KHDRBS3: variants seen among roughly 807,000 people sequenced by gnomAD.
KHDRBS3 encodes KH RNA binding domain containing, signal transduction associated 3, also known as KH domain-containing, RNA-binding, signal transduction-associated protein 3.
A neutral mutation model predicts 45.6 loss-of-function variants in KHDRBS3; 23 were observed. That is an observed-to-expected ratio of 0.50 (90% CI 0.36 to 0.72). The LOEUF (loss-of-function observed/expected upper bound fraction) is 0.72, where lower values mean the gene tolerates loss of function less well. Among genes scored for constraint, KHDRBS3 ranks in the 30% least tolerant of loss-of-function variants. The pLI is 0.00. For synonymous variants in KHDRBS3, 162 were observed against 156.5 expected, an observed-to-expected ratio of 1.04 and a Z score of -0.26; for missense variants, 352 against 424.8, an observed-to-expected ratio of 0.83 and a Z score of 1.51.
chr8:135,472,300 C>A (rs1391094147), intron 1 of KHDRBS3, among the ~76,000 whole-genome samples: 1 of 152,084 alleles, frequency 6.6e-6, no homozygotes, highest in Non-Finnish European at 1.5e-5. Flanking sequence ...ACCTTCACTG[C>A]TCTAAACTCC....
intron 6 of KHDRBS3, among the ~76,000 whole-genome samples, chr8:135,599,851 G>A (rs1227222033): frequency 6.6e-6 from 1 of 152,252 alleles, no homozygotes; most frequent in Non-Finnish European, 1.5e-5. Context: ...GGAATTGCGG[G>A]TGAAATGACA....
intron 7 of KHDRBS3, among the ~76,000 whole-genome samples, chr8:135,643,066 T>G (rs1442761449): frequency 6.6e-6 from 1 of 152,194 alleles, no homozygotes; most frequent in African/African-American, 2.4e-5. Context: ...GTGCTGAGAT[T>G]ACAGGCATGA....
chr8:135,487,884 GTAAC>G (rs1163022760), intron 1 of KHDRBS3, among the ~76,000 whole-genome samples: 1 of 152,188 alleles, frequency 6.6e-6, no homozygotes, highest in Non-Finnish European at 1.5e-5. Flanking sequence ...AGTAATCTTT[GTAAC>G]TCTGTTGGAT....
At chr8:135,575,519 A>T (rs1010189798) in intron 5 of KHDRBS3, among the ~76,000 whole-genome samples, 3 of 152,248 alleles carry the variant, frequency 2.0e-5, no homozygotes, top group Non-Finnish European at 4.4e-5. Context: ...AAAGAGTGAA[A>T]GGGAAAAGAG....
chr8:135,527,223 T>C (rs1825237421), intron 2 of KHDRBS3, among the ~76,000 whole-genome samples: 1 of 151,874 alleles, frequency 6.6e-6, no homozygotes, highest in Non-Finnish European at 1.5e-5. Flanking sequence ...AAACTGCCAG[T>C]TTTTTTTGGT....
chr8:135,474,598 A>C (rs1204437456), intron 1 of KHDRBS3, among the ~76,000 whole-genome samples: 4 of 152,264 alleles, frequency 2.6e-5, no homozygotes, highest in Admixed American at 6.5e-5. Context: ...TGTTAAGAAG[A>C]TCACTCAATT....
chr8:135,590,603 A>C, intron 6 of KHDRBS3, among the ~76,000 whole-genome samples: 1 of 152,190 alleles, frequency 6.6e-6, no homozygotes, highest in East Asian at 1.9e-4. Flanking sequence ...TCAAATAGAA[A>C]CCTTTAATTG....
At chr8:135,593,638 C>T (rs1167628290) in intron 6 of KHDRBS3, among the ~76,000 whole-genome samples, 1 of 151,990 alleles carries the variant, frequency 6.6e-6, no homozygotes, top group Non-Finnish European at 1.5e-5. Flanking sequence ...CCACTTTGCC[C>T]GGCTAATTTT....
intron 7 of KHDRBS3, among the ~76,000 whole-genome samples, chr8:135,609,650 C>T (rs1829628156): frequency 6.7e-6 from 1 of 149,872 alleles, no homozygotes; most frequent in South Asian, 2.1e-4. Flanking sequence ...CATAGACCTA[C>T]ACAGGCTCAG....
At chr8:135,599,203 C>T (rs560340313) in intron 6 of KHDRBS3, among the ~76,000 whole-genome samples, 3 of 152,336 alleles carry the variant, frequency 2.0e-5, no homozygotes, top group African/African-American at 7.2e-5. Flanking sequence ...ATCCGCCAAG[C>T]AGACAGCTCA....
chr8:135,463,323 G>A (rs973348865), intron 1 of KHDRBS3, among the ~76,000 whole-genome samples: 1 of 152,152 alleles, frequency 6.6e-6, no homozygotes, highest in Admixed American at 6.5e-5. Context: ...TCAGTAAAGA[G>A]CTTTGCTTCT....
chr8:135,572,973 A>G (rs777073325), intron 5 of KHDRBS3, among the ~76,000 whole-genome samples: 35 of 152,242 alleles, frequency 2.3e-4, no homozygotes, highest in Non-Finnish European at 4.1e-4. Context: ...TGTCAAATGT[A>G]TTAGGAATGT....
intron 2 of KHDRBS3, chr8:135,538,609 C>G (rs1311698440): frequency 1.3e-5 from 2 of 152,006 alleles, no homozygotes; most frequent in Non-Finnish European, 2.9e-5. Context: ...TCATAATGAC[C>G]CTGAAATGTA....
At chr8:135,592,673 GA>G (rs1176655362) in intron 6 of KHDRBS3, among the ~76,000 whole-genome samples, 1 of 152,062 alleles carries the variant, frequency 6.6e-6, no homozygotes, top group Non-Finnish European at 1.5e-5. Context: ...GTACCCAAAG[GA>G]AAAAAGTTTT....
At chr8:135,489,143 CT>C (rs1252842361) in intron 1 of KHDRBS3, among the ~76,000 whole-genome samples, 8 of 152,170 alleles carry the variant, frequency 5.3e-5, no homozygotes, top group African/African-American at 1.9e-4. Context: ...TAGAGAATTT[CT>C]TTTTTCTTTT....
intron 7 of KHDRBS3, among the ~76,000 whole-genome samples, chr8:135,634,184 A>G (rs1325215514): frequency 6.6e-6 from 1 of 152,202 alleles, no homozygotes; most frequent in Non-Finnish European, 1.5e-5. Flanking sequence ...TCCTCAAATT[A>G]TTTTAAGTCC....
intron 6 of KHDRBS3, among the ~76,000 whole-genome samples, chr8:135,601,696 T>C (rs967300162): frequency 3.3e-5 from 5 of 152,158 alleles, no homozygotes; most frequent in African/African-American, 1.2e-4. Flanking sequence ...GTGTAGTGAG[T>C]TCCTCATCCC....
chr8:135,544,190 A>G (rs982498574), intron 3 of KHDRBS3, among the ~76,000 whole-genome samples: 2 of 152,168 alleles, frequency 1.3e-5, no homozygotes, highest in Non-Finnish European at 2.9e-5. Flanking sequence ...GAAACCCACA[A>G]GCAGGATTCC....
chr8:135,548,670 T>C, intron 3 of KHDRBS3, 84 bp from the exon 4 acceptor site: 1 of 1,078,134 alleles, frequency 9.3e-7, no homozygotes, highest in Non-Finnish European at 1.2e-6. Flanking sequence ...ATTTTGGGGG[T>C]TAGTTTTTAT....
Sources: gnomAD v4.1 joint callset for allele counts (sites outside exome capture counted in the v4.1 genomes callset) on GRCh38, gnomAD v4.1.1 for gene constraint, MANE v1.5 for transcripts, NCBI Gene and HGNC (gene_info 2026-07-23, HGNC 2026-07-21) for gene names.